The following CRADD variants were observed in gnomAD, a reference collection of about 807,000 sequenced individuals.
The protein encoded by CRADD is CARD and death domain containing adaptor protein, also known as death domain-containing protein CRADD.
Under a neutral mutation model 15.5 loss-of-function variants are expected in CRADD, and 9 were observed. The observed-to-expected ratio is 0.58, with a 90% CI of 0.35 to 1.01. The LOEUF (loss-of-function observed/expected upper bound fraction) is 1.01, where lower values mean the gene tolerates loss of function less well. CRADD is among the 50% of genes least tolerant of loss of function. CRADD has a pLI of 0.02. For missense variants in CRADD, 227 were observed against 250.3 expected (o/e 0.91, Z 0.63); for synonymous variants, 118 against 107.6 (o/e 1.10, Z -0.60).
intron 2 of CRADD, among the ~76,000 whole-genome samples, chr12:93,725,649 G>A (rs1956349242): frequency 6.6e-6 from 1 of 152,188 alleles, no homozygotes; most frequent in Non-Finnish European, 1.5e-5. Flanking sequence ...TTGACTTGTG[G>A]AGTATTGTAA....
At chr12:93,686,304 C>CAAAAAAAAAAAAA (rs59096792) in intron 2 of CRADD, among the ~76,000 whole-genome samples, 13 of 65,980 alleles carry the variant, frequency 2.0e-4, no homozygotes, top group Non-Finnish European at 2.4e-4. Context: ...CCATCCCCCC[C>CAAAAAAAAAAAAA]AAAAAAAAAA....
chr12:93,750,670 A>G (rs1178469808), intron 2 of CRADD, among the ~76,000 whole-genome samples: 1 of 152,148 alleles, frequency 6.6e-6, no homozygotes, highest in Non-Finnish European at 1.5e-5. Context: ...TTAATGAGGT[A>G]TATGTGTCTT....
At chr12:93,777,376 T>C (rs1449651618) in intron 2 of CRADD, among the ~76,000 whole-genome samples, 1 of 152,208 alleles carries the variant, frequency 6.6e-6, no homozygotes, top group East Asian at 1.9e-4. Flanking sequence ...GTCCTTCGAA[T>C]ACACAGAAGA....
chr12:93,820,421 C>T (rs1957756244), intron 2 of CRADD, among the ~76,000 whole-genome samples: 1 of 152,024 alleles, frequency 6.6e-6, no homozygotes, highest in Non-Finnish European at 1.5e-5. Flanking sequence ...CGGTGGTTGG[C>T]ACCTGTAGTC....
chr12:93,894,426 CA>C (rs1958598179), exon 3 of CRADD: 1 of 308,208 alleles, frequency 3.2e-6, no homozygotes, highest in Non-Finnish European at 6.2e-6. Context: ...CAGAGCTCAG[CA>C]GTCCAGAGCA....
At chr12:93,689,473 GT>G (rs1955516507) in intron 2 of CRADD, among the ~76,000 whole-genome samples, 1 of 152,168 alleles carries the variant, frequency 6.6e-6, no homozygotes, top group Non-Finnish European at 1.5e-5. Flanking sequence ...AAAAAGGTAT[GT>G]TGTGTTTTTT....
At chr12:93,797,799 G>A (rs12578889) in intron 2 of CRADD, among the ~76,000 whole-genome samples, 15,601 of 152,130 alleles carry the variant, frequency 0.1, 948 homozygotes, top group Admixed American at 0.2. Context: ...TAAAAATAAA[G>A]ACAAAAGGAC....
At chr12:93,709,715 G>A (rs993596616) in intron 2 of CRADD, among the ~76,000 whole-genome samples, 11 of 152,092 alleles carry the variant, frequency 7.2e-5, no homozygotes, top group Non-Finnish European at 1.6e-4. Context: ...ATAGTGCTTC[G>A]GTGAACATTC....
chr12:93,706,092 G>A (rs1480691681), intron 2 of CRADD, among the ~76,000 whole-genome samples: 1 of 152,184 alleles, frequency 6.6e-6, no homozygotes, highest in Non-Finnish European at 1.5e-5. Flanking sequence ...AATGAGACAA[G>A]TGTTGACATT....
At chr12:93,880,719 A>AT (rs1258335483) in intron 2 of CRADD, among the ~76,000 whole-genome samples, 1 of 152,176 alleles carries the variant, frequency 6.6e-6, no homozygotes, top group Non-Finnish European at 1.5e-5. Context: ...ATGTCTGGAG[A>AT]TCAGTCAGAT....
At chr12:93,694,419 G>C (rs1204548694) in intron 2 of CRADD, among the ~76,000 whole-genome samples, 1 of 152,104 alleles carries the variant, frequency 6.6e-6, no homozygotes, top group Admixed American at 6.6e-5. Flanking sequence ...ACAAGAGAAG[G>C]ATGCCCACTC....
intron 2 of CRADD, among the ~76,000 whole-genome samples, chr12:93,683,554 G>A (rs1435403108): frequency 6.6e-6 from 1 of 152,130 alleles, no homozygotes; most frequent in Non-Finnish European, 1.5e-5. Flanking sequence ...CCTCCCCATA[G>A]ACTCTGTGCC....
intron 2 of CRADD, among the ~76,000 whole-genome samples, chr12:93,839,384 C>T (rs886366187): frequency 3.9e-5 from 6 of 152,178 alleles, no homozygotes; most frequent in Non-Finnish European, 8.8e-5. Context: ...ATAAGATATA[C>T]GTGTATTTGC....
chr12:93,801,556 G>A lies in CRADD; in HGVS notation c.299-48414G>A, dbSNP rs374771938. 1.7e-4 allele frequency among the ~76,000 whole-genome samples: 26 copies of A among 152,198 alleles called. No homozygotes were observed. The East Asian group carries it at 4.6e-3, about 27-fold the overall frequency. On this transcript the variant is annotated intron_variant, in intron 2 of 2. Coordinates refer to ENST00000332896, the MANE Select transcript of CRADD (RefSeq NM_003805.5). ...TGGGATTACAAGCACCCGCCACTAT[G>A]CCTGGCTAATTTTTGTATTTTTAGT...
chr12:93,730,735 T>A (rs1381831381), intron 2 of CRADD, among the ~76,000 whole-genome samples: 5 of 150,660 alleles, frequency 3.3e-5, no homozygotes, highest in African/African-American at 4.9e-5. Flanking sequence ...TTTTTTTTTT[T>A]AATGGAGCTT....
intron 2 of CRADD, among the ~76,000 whole-genome samples, chr12:93,746,050 G>A (rs1016756498): frequency 6.6e-6 from 1 of 152,184 alleles, no homozygotes; most frequent in African/African-American, 2.4e-5. Context: ...AATAGGGTTA[G>A]GGCAAAGAAC....
intron 2 of CRADD, among the ~76,000 whole-genome samples, chr12:93,760,855 TGGCTTTAGCAGATATTGGAA>T (rs1956946675): frequency 6.6e-6 from 1 of 152,012 alleles, no homozygotes; most frequent in Non-Finnish European, 1.5e-5. Flanking sequence ...GTGGTAGAGG[TGGCTTTAGCAGATATTGGAA>T]GGGTGCCCCA....
chr12:93,879,699 C>G (rs1010154370), intron 2 of CRADD, among the ~76,000 whole-genome samples: 2 of 152,134 alleles, frequency 1.3e-5, no homozygotes, highest in Non-Finnish European at 2.9e-5. Flanking sequence ...TCAATAATAA[C>G]TGGAGCAATG....
intron 2 of CRADD, among the ~76,000 whole-genome samples, chr12:93,778,979 G>A (rs545596923): frequency 7.2e-5 from 11 of 152,264 alleles, no homozygotes; most frequent in Admixed American, 3.9e-4. Flanking sequence ...TCAAAACACA[G>A]CCTGTTCTCT....
Sources: gnomAD v4.1 joint callset for allele counts (sites outside exome capture counted in the v4.1 genomes callset) on GRCh38, gnomAD v4.1.1 for gene constraint, MANE v1.5 for transcripts, NCBI Gene and HGNC (gene_info 2026-07-23, HGNC 2026-07-21) for gene names.